Variants in PDE3B observed in about 807,000 individuals in gnomAD.
The protein encoded by PDE3B is phosphodiesterase 3B.
In PDE3B, 66 loss-of-function variants were observed where a neutral mutation model predicts 116.8. That is an observed-to-expected ratio of 0.56 (90% CI 0.46 to 0.69). PDE3B has a LOEUF of 0.69. PDE3B is among the 30% of genes least tolerant of loss of function. PDE3B has a pLI of 0.00. For synonymous variants in PDE3B, 595 were observed against 533.6 expected (o/e 1.12, Z -1.59); for missense variants, 1,384 against 1,368.1 (o/e 1.01, Z -0.18).
chr11:14,838,270 T>C (rs938144588), intron 11 of PDE3B, among the ~76,000 whole-genome samples: 1 of 152,138 alleles, frequency 6.6e-6, no homozygotes, highest in Non-Finnish European at 1.5e-5. Context: ...TGAGCCACTG[T>C]GCCCGGCCAA....
intron 1 of PDE3B, among the ~76,000 whole-genome samples, chr11:14,716,008 C>T (rs1313882168): frequency 3.9e-5 from 6 of 152,166 alleles, no homozygotes; most frequent in African/African-American, 1.4e-4. Context: ...ATCTGAGGTA[C>T]CGGGTTCATC....
At chr11:14,797,864 T>C (rs1858605475) in intron 4 of PDE3B, among the ~76,000 whole-genome samples, 1 of 152,192 alleles carries the variant, frequency 6.6e-6, no homozygotes, top group South Asian at 2.1e-4. Flanking sequence ...AATTGAATCA[T>C]GTCATCTGCA....
At chr11:14,775,645 C>T (rs891122599) in intron 2 of PDE3B, 2 of 152,390 alleles carry the variant, frequency 1.3e-5, no homozygotes, top group African/African-American at 4.8e-5. Flanking sequence ...TCAAGCGATT[C>T]TCCTGCCTCA....
chr11:14,713,157 C>G (rs1855758578), intron 1 of PDE3B, among the ~76,000 whole-genome samples: 1 of 152,274 alleles, frequency 6.6e-6, no homozygotes, highest in South Asian at 2.1e-4. Flanking sequence ...ACACAAGTAT[C>G]TGTTACTCAA....
chr11:14,847,557 T>A (rs935438997), intron 12 of PDE3B, among the ~76,000 whole-genome samples: 2 of 151,460 alleles, frequency 1.3e-5, no homozygotes, highest in Non-Finnish European at 2.9e-5. Context: ...CAGGAGCTGG[T>A]TTTTTGAAAG....
chr11:14,793,856 T>C (rs1858466202), intron 4 of PDE3B, among the ~76,000 whole-genome samples: 1 of 152,200 alleles, frequency 6.6e-6, no homozygotes, highest in Non-Finnish European at 1.5e-5. Context: ...ATCAGAGACT[T>C]ACACCAAGGT....
intron 1 of PDE3B, among the ~76,000 whole-genome samples, chr11:14,741,595 G>T (rs546247353): frequency 1.1e-4 from 17 of 152,176 alleles, no homozygotes; most frequent in African/African-American, 3.6e-4. Context: ...TACATTTAAG[G>T]TTAATATTGT....
the PDE3B span, among the ~76,000 whole-genome samples, chr11:14,881,021 G>A: frequency 2.0e-5 from 3 of 152,050 alleles, no homozygotes; most frequent in Non-Finnish European, 4.4e-5. Flanking sequence ...AGTCAGTCCT[G>A]TGTAATTTAA....
At chr11:14,666,901 A>C (rs1223721520) in intron 1 of PDE3B, among the ~76,000 whole-genome samples, 2 of 152,162 alleles carry the variant, frequency 1.3e-5, no homozygotes, top group Non-Finnish European at 2.9e-5. Context: ...CTAGAACTAG[A>C]AATACCATTT....
chr11:14,674,498 A>G, intron 1 of PDE3B: 1 of 551,496 alleles, frequency 1.8e-6, no homozygotes, highest in Admixed American at 2.1e-5. Context: ...GGCCCATGAA[A>G]GCACAGCACT....
At chr11:14,651,374 A>G (rs922646772) in intron 1 of PDE3B, among the ~76,000 whole-genome samples, 4 of 152,190 alleles carry the variant, frequency 2.6e-5, no homozygotes, top group East Asian at 1.9e-4. Flanking sequence ...ATTTCCTAAT[A>G]AGATTACATT....
intron 1 of PDE3B, among the ~76,000 whole-genome samples, chr11:14,698,546 T>C (rs1053166941): frequency 5.3e-5 from 8 of 151,948 alleles, no homozygotes; most frequent in African/African-American, 1.9e-4. Context: ...AAAGTTTTCA[T>C]CTGTGTTCAT....
rs746745737 is a variant in PDE3B, at chr11:14,644,110, G to T, written c.35G>T (p.Arg12Leu). 1.7e-5 allele frequency: 26 copies of T among 1,573,348 alleles called. 1 individual carries two copies. The South Asian group carries it at 2.7e-4, about 17-fold the overall frequency. The change falls in exon 1 of 16, where the codon CGG (arginine) becomes CTG (leucine). Residue 12 changes from arginine to leucine, a missense_variant. Transcript: ENST00000282096. ...GACGAGCGAGACGCCAAAGCCATGC[G>T]GTCCCTGCAGCCGCCGGATGGGGCC... ...RRDERDAKAMRSLQPPDGAGS... is the reference protein window; with the variant it reads ...RRDERDAKAMLSLQPPDGAGS...
intron 1 of PDE3B, among the ~76,000 whole-genome samples, chr11:14,668,268 C>G (rs1854248027): frequency 1.3e-5 from 2 of 151,992 alleles, no homozygotes; most frequent in African/African-American, 2.4e-5. Flanking sequence ...TACATGTGGG[C>G]CTACATTTTT....
intron 1 of PDE3B, among the ~76,000 whole-genome samples, chr11:14,760,364 T>C (rs568806644): frequency 1.1e-4 from 17 of 152,338 alleles, no homozygotes; most frequent in African/African-American, 3.8e-4. Flanking sequence ...AAACAATGAT[T>C]ATGTGCTGCG....
intron 1 of PDE3B, among the ~76,000 whole-genome samples, chr11:14,755,613 A>G (rs1857162517): frequency 6.6e-6 from 1 of 152,236 alleles, no homozygotes; most frequent in Non-Finnish European, 1.5e-5. Context: ...TTGATGATAG[A>G]GAACACCAGC....
At chr11:14,689,054 T>C (rs1854972454) in intron 1 of PDE3B, among the ~76,000 whole-genome samples, 1 of 152,226 alleles carries the variant, frequency 6.6e-6, no homozygotes, top group African/African-American at 2.4e-5. Flanking sequence ...ATTACAGGCC[T>C]GAGCCACTGT....
chr11:14,754,684 C>T (rs990389141), intron 1 of PDE3B, among the ~76,000 whole-genome samples: 3 of 152,016 alleles, frequency 2.0e-5, no homozygotes, highest in East Asian at 1.9e-4. Flanking sequence ...GTGGGTGGAT[C>T]GCTTGAGCCC....
chr11:14,809,867 G>A (rs1859069302), intron 5 of PDE3B, among the ~76,000 whole-genome samples: 1 of 150,364 alleles, frequency 6.7e-6, no homozygotes, highest in South Asian at 2.1e-4. Context: ...AAGTTCTATT[G>A]TTTACAAATT....
Sources: allele counts gnomAD v4.1 joint callset (sites outside exome capture counted in the v4.1 genomes callset), GRCh38; gene constraint gnomAD v4.1.1; transcripts MANE v1.5; gene names NCBI Gene and HGNC (gene_info 2026-07-23, HGNC 2026-07-21).